Variants in EPB41L5 observed in about 807,000 individuals in gnomAD.
EPB41L5 encodes the protein erythrocyte membrane protein band 4.1 like 5, also known as band 4.1-like protein 5.
Under a neutral mutation model 106.6 loss-of-function variants are expected in EPB41L5, and 55 were observed. The observed-to-expected ratio is 0.52, with a 90% CI of 0.42 to 0.65. The LOEUF is 0.65. Among genes scored for constraint, EPB41L5 ranks in the 30% least tolerant of loss-of-function variants. The probability of loss-of-function intolerance (pLI) is 0.00; values close to 1 mark genes in which losing one functional copy is unlikely to be tolerated. For synonymous variants in EPB41L5, 297 were observed against 306.7 expected (o/e 0.97, Z 0.33); for missense variants, 871 against 882.1 (o/e 0.99, Z 0.16).
intron 10 of EPB41L5, among the ~76,000 whole-genome samples, chr2:120,081,285 A>G (rs1463247029): frequency 1.3e-5 from 2 of 152,128 alleles, no homozygotes; most frequent in Admixed American, 6.5e-5. Flanking sequence ...TGATTTTTGT[A>G]TAAGGTGTAA....
At chr2:120,023,525 C>A (rs1388961344) in intron 2 of EPB41L5, among the ~76,000 whole-genome samples, 1 of 152,106 alleles carries the variant, frequency 6.6e-6, no homozygotes, top group Non-Finnish European at 1.5e-5. Flanking sequence ...GGCCTCTGTT[C>A]TTTTCCATTG....
At chr2:120,127,880 G>A (rs1558894457) in intron 17 of EPB41L5, 29 bp downstream of exon 17, 1 of 1,510,896 alleles carries the variant, frequency 6.6e-7, no homozygotes, top group Admixed American at 1.9e-5. Flanking sequence ...ATACATCAGT[G>A]ATACCTTTTT....
intron 10 of EPB41L5, among the ~76,000 whole-genome samples, chr2:120,081,405 G>T (rs1682655245): frequency 6.6e-6 from 1 of 152,208 alleles, no homozygotes; most frequent in Non-Finnish European, 1.5e-5. Context: ...GTTTGTCAAA[G>T]ATTGGATGGT....
intron 16 of EPB41L5, chr2:120,106,315 G>C: frequency 1.0e-6 from 1 of 985,356 alleles, no homozygotes; most frequent in South Asian, 4.7e-5. Flanking sequence ...CTATTTTATA[G>C]AAGTTCCCAT....
chr2:120,133,566 GC>G (rs2105474498), intron 18 of EPB41L5, among the ~76,000 whole-genome samples: 1 of 152,318 alleles, frequency 6.6e-6, no homozygotes, highest in South Asian at 2.1e-4. Context: ...ATTTAGAACA[GC>G]CCTAGCCAGA....
chr2:120,126,227 A>G (rs1166179619), intron 16 of EPB41L5, among the ~76,000 whole-genome samples: 1 of 152,136 alleles, frequency 6.6e-6, no homozygotes, highest in African/African-American at 2.4e-5. Flanking sequence ...TATCAGATAC[A>G]TGATTTGCAA....
chr2:120,067,648 G>T (rs1681534636), intron 3 of EPB41L5, among the ~76,000 whole-genome samples: 1 of 152,136 alleles, frequency 6.6e-6, no homozygotes. Context: ...GTGGAACAAA[G>T]ACTTCTTTAT....
At chr2:120,143,883 A>G (rs565503569) in intron 19 of EPB41L5, among the ~76,000 whole-genome samples, 2 of 152,244 alleles carry the variant, frequency 1.3e-5, no homozygotes, top group South Asian at 4.2e-4. Context: ...TCTACCACCT[A>G]CTAGCTTTGT....
chr2:120,171,985 T>C (rs1687694454), intron 24 of EPB41L5, among the ~76,000 whole-genome samples: 1 of 150,244 alleles, frequency 6.7e-6, no homozygotes, highest in African/African-American at 2.5e-5. Context: ...AGATACTGTA[T>C]CCATGCAACA....
intron 3 of EPB41L5, among the ~76,000 whole-genome samples, chr2:120,072,729 A>G (rs557148644): frequency 3.3e-4 from 51 of 152,272 alleles, no homozygotes; most frequent in African/African-American, 7.7e-4. Context: ...GAGTTGAACA[A>G]TGGTAACACA....
chr2:120,090,960 G>T (rs1683367682), intron 12 of EPB41L5, among the ~76,000 whole-genome samples: 1 of 152,130 alleles, frequency 6.6e-6, no homozygotes, highest in African/African-American at 2.4e-5. Flanking sequence ...TTGGTTTACT[G>T]CAGAGTGGAT....
intron 2 of EPB41L5, among the ~76,000 whole-genome samples, chr2:120,041,549 A>G (rs767355181): frequency 1.3e-5 from 2 of 152,102 alleles, no homozygotes; most frequent in South Asian, 2.1e-4. Flanking sequence ...TTCTGCATCA[A>G]GCCTTCATTG....
At chr2:120,041,791 T>C (rs1679421584) in intron 2 of EPB41L5, among the ~76,000 whole-genome samples, 2 of 152,174 alleles carry the variant, frequency 1.3e-5, no homozygotes, top group African/African-American at 2.4e-5. Flanking sequence ...AGTAACACTC[T>C]CCAGGAAAAC....
intron 3 of EPB41L5, among the ~76,000 whole-genome samples, chr2:120,051,252 G>A (rs10183285): frequency 0.01 from 1,568 of 152,300 alleles, 24 homozygotes; most frequent in African/African-American, 0.036. Flanking sequence ...TGCCCCCAGA[G>A]GTGGAGTCTA....
At chr2:120,061,036 T>TTTTG (rs1681014690) in intron 3 of EPB41L5, among the ~76,000 whole-genome samples, 1 of 104,184 alleles carries the variant, frequency 9.6e-6, no homozygotes, top group African/African-American at 3.5e-5. Context: ...GGGAAGTTTT[T>TTTTG]TTTTTTTTTT....
intron 7 of EPB41L5, among the ~76,000 whole-genome samples, chr2:120,076,371 A>T (rs1682233893): frequency 6.6e-6 from 1 of 150,584 alleles, no homozygotes; most frequent in South Asian, 2.1e-4. Flanking sequence ...GGGCAGTTGC[A>T]TGATTGTAGC....
chr2:120,122,719 A>G lies in EPB41L5; in HGVS notation c.1338-4969A>G, dbSNP rs757823465. Among the ~76,000 whole-genome samples, 4 of 152,288 alleles carry G rather than the reference A, an allele frequency of 2.6e-5. No individual in the cohort carries two copies. In the East Asian group the frequency reaches 5.8e-4, roughly 22 times the overall value. ...TTTTTCCAATTCTGGGTAGAAAGTC[A>G]TTGTTAGCTTGATGGGGACGGCATT... On this transcript the variant is annotated intron_variant, in intron 16 of 24. Coordinates refer to ENST00000263713, the MANE Select transcript of EPB41L5 (RefSeq NM_020909.4).
chr2:120,100,538 A>C (rs1684073658), intron 15 of EPB41L5, among the ~76,000 whole-genome samples, 161 bp from the exon 16 acceptor site: 1 of 152,230 alleles, frequency 6.6e-6, no homozygotes, highest in African/African-American at 2.4e-5. Flanking sequence ...ACTGACTACT[A>C]ATATTTCATT....
At chr2:120,091,759 C>T (rs945445449) in intron 13 of EPB41L5, 98 bp downstream of exon 13, 3 of 874,986 alleles carry the variant, frequency 3.4e-6, no homozygotes, top group African/African-American at 3.4e-5. Context: ...ATCTCCTCCT[C>T]AGGTCTGTTC....
Sources: gnomAD v4.1 joint callset for allele counts (sites outside exome capture counted in the v4.1 genomes callset) on GRCh38, gnomAD v4.1.1 for gene constraint, MANE v1.5 for transcripts, NCBI Gene and HGNC (gene_info 2026-07-23, HGNC 2026-07-21) for gene names.